SEPTIN7: variants seen among roughly 807,000 people sequenced by gnomAD.
SEPTIN7 encodes septin-7.
In SEPTIN7, 10 loss-of-function variants were observed where a neutral mutation model predicts 63.3. That is an observed-to-expected ratio of 0.16 (90% CI 0.10 to 0.27). The LOEUF (loss-of-function observed/expected upper bound fraction) is 0.27. Ranked by LOEUF, SEPTIN7 falls within the 10% of genes least tolerant of loss-of-function variation. The pLI, the probability that SEPTIN7 is intolerant of heterozygous loss-of-function variation, is 1.00. For missense variants in SEPTIN7, 310 were observed against 521.0 expected (o/e 0.59, Z 3.94); for synonymous variants, 131 against 165.3 (o/e 0.79, Z 1.59).
At chr7:35,814,505 G>A (rs1263169344) in intron 1 of SEPTIN7, among the ~76,000 whole-genome samples, 2 of 151,822 alleles carry the variant, frequency 1.3e-5, no homozygotes, top group East Asian at 1.9e-4. Flanking sequence ...AATATTTTAG[G>A]TACTAGTTTT....
intron 10 of SEPTIN7, among the ~76,000 whole-genome samples, chr7:35,888,353 A>T (rs1435223790): frequency 1.3e-5 from 2 of 152,220 alleles, no homozygotes; most frequent in Non-Finnish European, 2.9e-5. Context: ...TTTAGTGAAA[A>T]GAAAAATTAT....
chr7:35,822,787 C>G (rs1783292958), intron 1 of SEPTIN7, among the ~76,000 whole-genome samples: 1 of 152,224 alleles, frequency 6.6e-6, no homozygotes, highest in African/African-American at 2.4e-5. Flanking sequence ...TCAAAAAGAA[C>G]CCTGCTTCCT....
intron 6 of SEPTIN7, among the ~76,000 whole-genome samples, chr7:35,875,368 G>T (rs1213087309): frequency 6.6e-6 from 1 of 152,082 alleles, no homozygotes; most frequent in African/African-American, 2.4e-5. Context: ...GAAGGAATAT[G>T]ACACAGAATT....
intron 1 of SEPTIN7, among the ~76,000 whole-genome samples, chr7:35,818,434 G>T (rs577983069): frequency 6.6e-6 from 1 of 152,064 alleles, no homozygotes; most frequent in South Asian, 2.1e-4. Context: ...TTTACTCGAT[G>T]TGTTTGGTTT....
intron 6 of SEPTIN7, among the ~76,000 whole-genome samples, chr7:35,877,271 AC>A (rs1191242580): frequency 5.3e-5 from 8 of 152,098 alleles, no homozygotes; most frequent in African/African-American, 1.2e-4. Context: ...GGGATTTAAG[AC>A]AAGGAGAATT....
At position 35,880,208 on chromosome 7, in the gene SEPTIN7, CTTTTTT is replaced by C. The variant is rs1169840776; in HGVS notation, c.630+272_630+277del. On this transcript the variant is annotated intron_variant, in intron 7 of 13. Coordinates refer to ENST00000350320, the MANE Select transcript of SEPTIN7 (RefSeq NM_001788.6). ...TCTTTTTTCTTTTCTCTTTTCTTTT[CTTTTTT>C]TTTCTTTTCTTTTTTTTTTTTTTTT... Among the ~76,000 whole-genome samples the C allele has an allele frequency of 1.3e-3, 129 of 96,440 alleles. No individual in the cohort carries two copies. In the East Asian group the frequency reaches 0.027, roughly 20 times the overall value. 63.3% of individuals were successfully genotyped at this position (96,440 alleles called of 152,430 possible). A position where few individuals can be genotyped will look rare whatever the true frequency, so the allele number is the denominator to read the frequency against.
At chr7:35,915,126 T>C in the SEPTIN7 span, among the ~76,000 whole-genome samples, 23 of 134,070 alleles carry the variant, frequency 1.7e-4, no homozygotes, top group South Asian at 5.8e-4. Context: ...TACATGTGTA[T>C]ATATACATGC....
intron 1 of SEPTIN7, among the ~76,000 whole-genome samples, chr7:35,807,545 A>G (rs1027927462): frequency 1.3e-4 from 20 of 151,572 alleles, no homozygotes; most frequent in African/African-American, 4.6e-4. Context: ...TTGTATTTTT[A>G]GTAGAGACGG....
Position 35,890,804 on chromosome 7 carries a change from AT to A in SEPTIN7, c.998+18del. On this transcript the variant is annotated intron_variant, in intron 11 of 13. Coordinates refer to ENST00000350320, the MANE Select transcript of SEPTIN7 (RefSeq NM_001788.6). ...AGGGCAGCTGACTAAGTAAGTATAT[AT>A]TTTTTTCTCCAAAAAGGTATTATTT... 10 of 1,519,600 alleles carry A rather than the reference AT, an allele frequency of 6.6e-6. No individual in the cohort carries two copies. Among genetic ancestry groups the A allele is most frequent in the South Asian group, 2.6e-5 (2 of 77,738 alleles). 94.1% of individuals were successfully genotyped at this position (1,519,600 alleles called of 1,614,324 possible). A position where few individuals can be genotyped will look rare whatever the true frequency, so the allele number is the denominator to read the frequency against.
At chr7:35,898,177 G>A (rs1468256361) in intron 11 of SEPTIN7, 71 bp from the exon 12 acceptor site, 13 of 1,223,952 alleles carry the variant, frequency 1.1e-5, no homozygotes, top group Non-Finnish European at 1.4e-5. Context: ...GTTTTCATCA[G>A]CTGTTTCATA....
intron 3 of SEPTIN7, among the ~76,000 whole-genome samples, chr7:35,861,219 C>G (rs534094178): frequency 6.6e-6 from 1 of 152,042 alleles, no homozygotes; most frequent in South Asian, 2.1e-4. Context: ...TCACTTTTTT[C>G]TTTAGCTCTT....
intron 1 of SEPTIN7, among the ~76,000 whole-genome samples, chr7:35,829,128 C>CTTTTTA (rs1554278924): frequency 1.6e-5 from 1 of 61,062 alleles, no homozygotes; most frequent in Non-Finnish European, 2.9e-5. Flanking sequence ...CATGGACCTT[C>CTTTTTA]TTTTTTTTTT....
At chr7:35,900,921 G>A (rs1490112851) in intron 12 of SEPTIN7, 3 of 152,102 alleles carry the variant, frequency 2.0e-5, no homozygotes, top group Admixed American at 2.0e-4. Flanking sequence ...TAGATTCTTT[G>A]TCTTTTATGA....
At chr7:35,808,338 C>G (rs1788485739) in intron 1 of SEPTIN7, among the ~76,000 whole-genome samples, 1 of 152,158 alleles carries the variant, frequency 6.6e-6, no homozygotes, top group Non-Finnish European at 1.5e-5. Flanking sequence ...CCTGCCCCCA[C>G]CCTTGGTAGC....
chr7:35,886,850 C>G (rs187771792), intron 10 of SEPTIN7, among the ~76,000 whole-genome samples: 60 of 152,288 alleles, frequency 3.9e-4, no homozygotes, highest in Admixed American at 1.2e-3. Context: ...AAATTTAAGA[C>G]AGTCAAACTG....
chr7:35,812,969 C>T (rs1583490417), intron 1 of SEPTIN7, among the ~76,000 whole-genome samples: 1 of 152,254 alleles, frequency 6.6e-6, no homozygotes, highest in East Asian at 1.9e-4. Context: ...CCATATTCTT[C>T]TGATTATAGC....
At chr7:35,845,867 A>G (rs1784637929) in intron 3 of SEPTIN7, among the ~76,000 whole-genome samples, 2 of 151,896 alleles carry the variant, frequency 1.3e-5, no homozygotes, top group Admixed American at 6.6e-5. Context: ...GAGATTTTGG[A>G]CCTGATTTTA....
chr7:35,837,246 G>A (rs1271391642), intron 3 of SEPTIN7, among the ~76,000 whole-genome samples: 1 of 152,064 alleles, frequency 6.6e-6, no homozygotes, highest in African/African-American at 2.4e-5. Context: ...TTAAGTATAG[G>A]AACATTTAGT....
chr7:35,909,580 G>T (rs1788702387), downstream of SEPTIN7, among the ~76,000 whole-genome samples: 1 of 152,210 alleles, frequency 6.6e-6, no homozygotes, highest in Non-Finnish European at 1.5e-5. Flanking sequence ...AAGGGAGAGA[G>T]AACTCACTTT....
Sources: allele counts gnomAD v4.1 joint callset (sites outside exome capture counted in the v4.1 genomes callset), GRCh38; gene constraint gnomAD v4.1.1; transcripts MANE v1.5; gene names NCBI Gene and HGNC (gene_info 2026-07-23, HGNC 2026-07-21).